Variants in TTC1 observed in about 807,000 individuals in gnomAD.
TTC1 encodes tetratricopeptide repeat domain 1, also known as tetratricopeptide repeat protein 1.
Under a neutral mutation model 37.6 loss-of-function variants are expected in TTC1, and 31 were observed. The observed-to-expected ratio is 0.82, with a 90% CI of 0.62 to 1.11. The LOEUF (loss-of-function observed/expected upper bound fraction) is 1.11. Among genes scored for constraint, TTC1 ranks in the 50% most tolerant of loss-of-function variants. The probability of loss-of-function intolerance (pLI) is 0.00; values close to 1 mark genes in which losing one functional copy is unlikely to be tolerated. For missense variants in TTC1, 351 were observed against 339.0 expected, an observed-to-expected ratio of 1.04 and a Z score of -0.28; for synonymous variants, 127 against 122.4, an observed-to-expected ratio of 1.04 and a Z score of -0.25.
At chr5:160,053,159 G>A (rs1427445388) in intron 7 of TTC1, among the ~76,000 whole-genome samples, 1 of 152,144 alleles carries the variant, frequency 6.6e-6, no homozygotes, top group Non-Finnish European at 1.5e-5. Flanking sequence ...AGATTCCCTA[G>A]AGGCTAGACA....
intron 7 of TTC1, among the ~76,000 whole-genome samples, chr5:160,060,977 G>C (rs1753369681): frequency 6.6e-6 from 1 of 152,122 alleles, no homozygotes; most frequent in African/African-American, 2.4e-5. Context: ...CCACCCCCAG[G>C]GTCTCCCCTT....
chr5:160,059,925 C>T (rs922393999), intron 7 of TTC1, among the ~76,000 whole-genome samples: 2 of 152,200 alleles, frequency 1.3e-5, no homozygotes, highest in Non-Finnish European at 2.9e-5. Context: ...AGGATTACCA[C>T]ACATCTTCAA....
chr5:160,019,037 G>A (rs1756655801), intron 2 of TTC1, among the ~76,000 whole-genome samples: 1 of 152,164 alleles, frequency 6.6e-6, no homozygotes, highest in South Asian at 2.1e-4. Flanking sequence ...TCCAGGTTCT[G>A]GTGATTTAAT....
At chr5:160,049,758 T>C in intron 6 of TTC1, 96 bp downstream of exon 6, 1 of 1,128,184 alleles carries the variant, frequency 8.9e-7, no homozygotes, top group Non-Finnish European at 1.2e-6. Flanking sequence ...TTAAATTCCA[T>C]TTCTGTGCTT....
Position 160,010,514 on chromosome 5 carries a change from C to T in TTC1, c.-15C>T. On this transcript the variant is annotated 5_prime_UTR_variant, in exon 2 of 8. Coordinates refer to ENST00000231238, the MANE Select transcript of TTC1 (RefSeq NM_003314.3). ...TTTTCCCCCAGCTTTAGCGTCACCT[C>T]CCTCACTGGGCAGCATGGGGGAGAA... is the stretch of plus-strand genomic sequence containing the variant. 1 of 1,604,172 alleles carries T rather than the reference C, an allele frequency of 6.2e-7. No individual in the cohort carries two copies. Among genetic ancestry groups the T allele is most frequent in the Non-Finnish European group, 8.5e-7 (1 of 1,172,826 alleles).
chr5:160,053,082 C>T (rs1272488220), intron 7 of TTC1, among the ~76,000 whole-genome samples: 1 of 152,140 alleles, frequency 6.6e-6, no homozygotes, highest in East Asian at 1.9e-4. Context: ...TTTCAGCCCC[C>T]ACAAGAGCTT....
At chr5:160,058,712 A>G (rs542102224) in intron 7 of TTC1, among the ~76,000 whole-genome samples, 3 of 152,250 alleles carry the variant, frequency 2.0e-5, no homozygotes, top group South Asian at 4.1e-4. Context: ...CGCCTGGCCA[A>G]TGAAGTGTAT....
At chr5:160,047,793 C>T (rs1217554072) in intron 5 of TTC1, among the ~76,000 whole-genome samples, 3 of 152,330 alleles carry the variant, frequency 2.0e-5, no homozygotes, top group African/African-American at 7.2e-5. Context: ...TTTCACATGG[C>T]TGGCCTCTCT....
At chr5:160,043,222 C>G (rs961578169) in intron 5 of TTC1, 53 bp downstream of exon 5, 1 of 1,602,726 alleles carries the variant, frequency 6.2e-7, no homozygotes, top group African/African-American at 1.3e-5. Flanking sequence ...TTATGTCAGA[C>G]AGAGGGGCTT....
chr5:160,018,611 A>G (rs1756647215), intron 2 of TTC1, among the ~76,000 whole-genome samples: 2 of 152,248 alleles, frequency 1.3e-5, no homozygotes, highest in African/African-American at 2.4e-5. Context: ...GGGTCTGATT[A>G]TGGAATAGTT....
chr5:160,020,740 GTC>G (rs1756690054), intron 2 of TTC1, among the ~76,000 whole-genome samples: 1 of 152,202 alleles, frequency 6.6e-6, no homozygotes, highest in Non-Finnish European at 1.5e-5. Context: ...GTCTATCACT[GTC>G]TCTCATCACC....
At chr5:160,044,894 G>T (rs572513058) in intron 5 of TTC1, among the ~76,000 whole-genome samples, 21 of 152,190 alleles carry the variant, frequency 1.4e-4, no homozygotes, top group African/African-American at 4.8e-4. Context: ...AATTAATTTG[G>T]TGCCCTCTCT....
intron 2 of TTC1, chr5:160,024,159 A>G: frequency 1.7e-6 from 1 of 576,182 alleles, no homozygotes; most frequent in Non-Finnish European, 3.1e-6. Context: ...GTATGTTGAA[A>G]AACTCTCATT....
In TTC1 at chr5:160,049,594, G is replaced by C. The variant is rs1415297973; in HGVS notation, c.622G>C (p.Ala208Pro). 1 of 1,612,028 alleles carries C rather than the reference G, an allele frequency of 6.2e-7. No homozygotes were observed. The highest frequency in any genetic ancestry group is 8.5e-7 in the Non-Finnish European group (1 of 1,179,272). ...TGAGAAGACGGACAAGCTAGATGAA[G>C]CCCTGGAAGACTATAAATCTATATT... Reference protein sequence around the residue: ...LYEKTDKLDEALEDYKSILEK... With the variant: ...LYEKTDKLDEPLEDYKSILEK... Residue 208 changes from alanine to proline, a missense_variant, in exon 6 of 8, where the codon GCC (alanine) becomes CCC (proline). Coordinates refer to ENST00000231238, the MANE Select transcript of TTC1 (RefSeq NM_003314.3).
chr5:160,049,981 G>A (rs561945846), intron 6 of TTC1, among the ~76,000 whole-genome samples: 1 of 152,246 alleles, frequency 6.6e-6, no homozygotes, highest in Admixed American at 6.5e-5. Context: ...CGGGAGGCAG[G>A]AGAATTGCTT....
intron 7 of TTC1, among the ~76,000 whole-genome samples, chr5:160,052,387 C>G (rs994377352): frequency 6.8e-6 from 1 of 147,050 alleles, no homozygotes; most frequent in African/African-American, 2.4e-5. Context: ...ATAGTCCCAG[C>G]TACATGGGAG....
At chr5:160,033,489 G>A (rs568234064) in intron 2 of TTC1, among the ~76,000 whole-genome samples, 1 of 152,298 alleles carries the variant, frequency 6.6e-6, no homozygotes, top group African/African-American at 2.4e-5. Flanking sequence ...TCCAGAGAAA[G>A]AATGTTTTTA....
At position 160,065,413 on chromosome 5, in the gene TTC1, G is replaced by C. The variant is rs1194673708; in HGVS notation, c.*348G>C. 2.1e-6 allele frequency: 1 copy of C among 475,212 alleles called. No homozygotes were observed. Among genetic ancestry groups the C allele is most frequent in the African/African-American group, 2.0e-5 (1 of 50,954 alleles). The allele number at this position is 475,212 out of a possible 1,614,324, so 29.4% of individuals were successfully genotyped here. ...CTCTCCTGAACCAAACAAACCTGTT[G>C]GTTGGGAGACTGCCCAGACATGATT... On this transcript the variant is annotated 3_prime_UTR_variant, in exon 8 of 8. Transcript: ENST00000231238.
intron 4 of TTC1, among the ~76,000 whole-genome samples, chr5:160,037,608 C>A (rs573755071): frequency 1.3e-5 from 2 of 152,220 alleles, no homozygotes; most frequent in South Asian, 4.1e-4. Context: ...CCCATCTACT[C>A]AAGAAGCTGA....
Sources: gnomAD v4.1 joint callset for allele counts (sites outside exome capture counted in the v4.1 genomes callset) on GRCh38, gnomAD v4.1.1 for gene constraint, MANE v1.5 for transcripts, NCBI Gene and HGNC (gene_info 2026-07-23, HGNC 2026-07-21) for gene names.